The following NKIRAS1 variants were observed in gnomAD, a reference collection of about 807,000 sequenced individuals.
NKIRAS1 encodes NF-kappa-B inhibitor-interacting Ras-like protein 1.
A neutral mutation model predicts 19.8 loss-of-function variants in NKIRAS1; 16 were observed. That is an observed-to-expected ratio of 0.81 (90% CI 0.55 to 1.23). The LOEUF (loss-of-function observed/expected upper bound fraction) is 1.23, where lower values mean the gene tolerates loss of function less well. Ranked by LOEUF, NKIRAS1 falls within the 50% of genes most tolerant of loss-of-function variation. The pLI, the probability that NKIRAS1 is intolerant of heterozygous loss-of-function variation, is 0.00. For synonymous variants in NKIRAS1, 88 were observed against 79.0 expected (o/e 1.11, Z -0.61); for missense variants, 184 against 220.0 (o/e 0.84, Z 1.04).
intron 4 of NKIRAS1, among the ~76,000 whole-genome samples, chr3:23,895,905 T>C (rs2125356707): frequency 6.6e-6 from 1 of 151,556 alleles, no homozygotes; most frequent in Non-Finnish European, 1.5e-5. Flanking sequence ...GAGGTGGAGG[T>C]GGGTGGATCA....
chr3:23,890,431 A>T lies in NKIRAS1; in HGVS notation c.*2664T>A. On this transcript the variant is annotated 3_prime_UTR_variant, in exon 5 of 5. Coordinates refer to ENST00000425478, the MANE Select transcript of NKIRAS1 (RefSeq NM_020345.4). ...CACACATACTTTGTCGTACGTATCT[A>T]CCCAAGCTGTCACTATTCGCTAAAG... is the stretch of plus-strand genomic sequence containing the variant. 1.4e-6 allele frequency: 2 copies of T among 1,393,846 alleles called. No homozygotes were observed. The highest frequency in any genetic ancestry group is 2.0e-6 in the Non-Finnish European group (2 of 1,006,634). 86.3% of individuals were successfully genotyped at this position (1,393,846 alleles called of 1,614,324 possible). A position where few individuals can be genotyped will look rare whatever the true frequency, so the allele number is the denominator to read the frequency against.
intron 1 of NKIRAS1, among the ~76,000 whole-genome samples, chr3:23,933,911 A>G (rs1705354955): frequency 6.6e-6 from 1 of 152,174 alleles, no homozygotes; most frequent in Admixed American, 6.5e-5. Flanking sequence ...CTGCATTCTC[A>G]TGTGGCAGAA....
At chr3:23,919,475 A>G, upstream of NKIRAS1, 1 of 1,594,170 alleles carries the variant, frequency 6.3e-7, no homozygotes, top group Non-Finnish European at 8.5e-7. Flanking sequence ...AAGGCGCAAT[A>G]CTCTCCAGCT....
At chr3:23,906,882 A>C (rs1192538904) in intron 3 of NKIRAS1, among the ~76,000 whole-genome samples, 2 of 151,788 alleles carry the variant, frequency 1.3e-5, no homozygotes, top group Non-Finnish European at 2.9e-5. Context: ...TTATTTTTTA[A>C]AGCAGGTTTT....
Position 23,925,972 on chromosome 3 carries a change from C to T in NKIRAS1, c.-139-14522G>A, listed in dbSNP as rs958323391. 6.6e-5 allele frequency among the ~76,000 whole-genome samples: 10 copies of T among 152,216 alleles called. No homozygotes were observed. In the East Asian group the frequency reaches 1.5e-3, roughly 23 times the overall value. ...TGCTCAGTGGGCACATTGGCTACCA[C>T]GTTGGACAGCACAGAAAATATTTTG... On this transcript the variant is annotated intron_variant, in intron 1 of 4. Coordinates refer to the NKIRAS1 transcript ENST00000421515.
rs1227742548 is a variant in NKIRAS1 at position 23,892,951 on chromosome 3, G to A, written c.*144C>T. 1.5e-6 allele frequency: 1 copy of A among 675,546 alleles called. No homozygotes were observed. Among genetic ancestry groups the A allele is most frequent in the Non-Finnish European group, 2.3e-6 (1 of 432,464 alleles). 41.8% of individuals were successfully genotyped at this position (675,546 alleles called of 1,614,324 possible). A position where few individuals can be genotyped will look rare whatever the true frequency, so the allele number is the denominator to read the frequency against. On this transcript the variant is annotated 3_prime_UTR_variant, in exon 5 of 5. Coordinates refer to ENST00000425478, the MANE Select transcript of NKIRAS1 (RefSeq NM_020345.4). ...AGCCCAAATACTTTTAACATCTAAA[G>A]TGCATTAATTGACTTCCTTAGGAAT...
chr3:23,908,257 T>C (rs1221962580), intron 3 of NKIRAS1, among the ~76,000 whole-genome samples: 2 of 152,190 alleles, frequency 1.3e-5, no homozygotes, highest in Admixed American at 1.3e-4. Flanking sequence ...CAATGAGATT[T>C]TAATTTAGCA....
At chr3:23,901,082 C>T (rs773946815) in intron 3 of NKIRAS1, 33 bp from the exon 4 acceptor site, 3 of 1,608,876 alleles carry the variant, frequency 1.9e-6, no homozygotes. Flanking sequence ...CTCTTTTTGG[C>T]TAAGTCAGTG....
intron 3 of NKIRAS1, among the ~76,000 whole-genome samples, chr3:23,902,830 G>A (rs1296740390): frequency 3.3e-5 from 5 of 152,238 alleles, no homozygotes; most frequent in Admixed American, 1.3e-4. Flanking sequence ...TAAAGGGAAT[G>A]AGTTCCACCA....
chr3:23,908,591 A>C (rs79901652), intron 3 of NKIRAS1, among the ~76,000 whole-genome samples: 93 of 152,272 alleles, frequency 6.1e-4, no homozygotes, highest in African/African-American at 2.0e-3. Context: ...TGAAAATATA[A>C]TTTTTTTCAT....
At position 23,926,513 on chromosome 3, in the gene NKIRAS1, C is replaced by CT. The variant is rs896331377; in HGVS notation, c.-139-15064dup. ...CTTTCCTCTTCCTCTTCTTCCTCTT[C>CT]TTTTTTTTTGTGTCATTCTCTAGTA... On this transcript the variant is annotated intron_variant, in intron 1 of 4. Coordinates refer to the NKIRAS1 transcript ENST00000421515. The surrounding 1 kb of genome is among the most constrained non-coding windows in gnomAD (Gnocchi z 4.3). Among the ~76,000 whole-genome samples the CT allele has an allele frequency of 7.4e-4, 111 of 150,614 alleles. No individual in the cohort carries two copies. The highest frequency in any genetic ancestry group is 3.4e-3 in the Middle Eastern group (1 of 292).
At chr3:23,898,525 C>G (rs963404830) in intron 4 of NKIRAS1, among the ~76,000 whole-genome samples, 3 of 151,852 alleles carry the variant, frequency 2.0e-5, no homozygotes, top group Admixed American at 1.3e-4. Context: ...TCACTGCAAC[C>G]TCTGCCTCCC....
At position 23,890,794 on chromosome 3, in the gene NKIRAS1, TA is replaced by T; in HGVS notation, c.*2300del. ...TTGCTACAGTAGACAGAATTGGTAA[TA>T]GCAACTTTTAAAATTGTCATTAGTT... On this transcript the variant is annotated 3_prime_UTR_variant, in exon 5 of 5. Transcript: ENST00000425478. 1 of 461,822 alleles carries T rather than the reference TA, an allele frequency of 2.2e-6. No individual in the cohort carries two copies. The highest frequency in any genetic ancestry group is 3.7e-6 in the Non-Finnish European group (1 of 267,980). The allele number at this position is 461,822 out of a possible 1,614,324, so 28.6% of individuals were successfully genotyped here. A position where few individuals can be genotyped will look rare whatever the true frequency, so the allele number is the denominator to read the frequency against.
chr3:23,898,680 G>A (rs948582337), intron 4 of NKIRAS1, among the ~76,000 whole-genome samples: 31 of 152,136 alleles, frequency 2.0e-4, no homozygotes, highest in Admixed American at 9.2e-4. Context: ...TCCTGACCTC[G>A]TGATCTGCCC....
upstream of NKIRAS1, chr3:23,920,010 GCTC>G (rs1704983404): frequency 5.1e-6 from 5 of 986,764 alleles, no homozygotes; most frequent in Admixed American, 1.2e-4. Flanking sequence ...AAAGGTGAAA[GCTC>G]CTGGTTCAGT....
At chr3:23,939,744 AAAACAAAC>A (rs200007298) in intron 1 of NKIRAS1, among the ~76,000 whole-genome samples, 2 of 152,220 alleles carry the variant, frequency 1.3e-5, no homozygotes, top group South Asian at 2.1e-4. Context: ...ACTCCGTCTC[AAAACAAAC>A]AAACAAACAA....
chr3:23,941,001 G>A (rs1346304266), intron 1 of NKIRAS1, among the ~76,000 whole-genome samples: 1 of 152,174 alleles, frequency 6.6e-6, no homozygotes, highest in Non-Finnish European at 1.5e-5. Context: ...AGTAGATCTT[G>A]ATATAGTCCA....
At chr3:23,946,131 C>A in intron 1 of NKIRAS1, 1 of 985,190 alleles carries the variant, frequency 1.0e-6, no homozygotes, top group Non-Finnish European at 1.2e-6. Flanking sequence ...CCCTCCTCCC[C>A]CGCGGGGTTG....
upstream of NKIRAS1, chr3:23,919,133 C>A: frequency 2.6e-6 from 3 of 1,136,410 alleles, no homozygotes; most frequent in Non-Finnish European, 2.6e-6. Context: ...AATTAAAATT[C>A]TTTCTGACTT....
Sources: allele counts gnomAD v4.1 joint callset (sites outside exome capture counted in the v4.1 genomes callset), GRCh38; gene constraint gnomAD v4.1.1; non-coding constraint Gnocchi (gnomAD v3.1); transcripts MANE v1.5; gene names NCBI Gene and HGNC (gene_info 2026-07-23, HGNC 2026-07-21).